The following FMOD variants were observed in gnomAD, a reference collection of about 807,000 sequenced individuals.
FMOD encodes KSPG fibromodulin.
FMOD carries 15 observed loss-of-function variants against 27.0 expected under a neutral mutation model. That is an observed-to-expected ratio of 0.55 (90% confidence interval 0.37 to 0.85). The LOEUF (loss-of-function observed/expected upper bound fraction) is 0.85. Among genes scored for constraint, FMOD ranks in the 40% least tolerant of loss-of-function variants. The pLI is 0.00. For synonymous variants in FMOD, 210 were observed against 214.0 expected (o/e 0.98, Z 0.16); for missense variants, 460 against 483.2 (o/e 0.95, Z 0.45).
chr1:203,347,717 T>C lies in FMOD; in HGVS notation c.554A>G (p.His185Arg). Residue 185 changes from histidine to arginine, a missense_variant, in exon 2 of 3, where the codon CAC becomes CGC. His to Arg is a conservative substitution (Grantham distance 29). Coordinates refer to ENST00000354955, the MANE Select transcript of FMOD (RefSeq NM_002023.5). Reference protein sequence around the residue: ...PRSLRELHLDHNQISRVPNNA... With the variant: ...PRSLRELHLDRNQISRVPNNA... ...GTTGGGGACCCGTGAGATCTGGTTGTGGTCGAGATGGAGCTCTCTCAGGGA... is the reference window on the plus strand; with the variant it reads ...GTTGGGGACCCGTGAGATCTGGTTGCGGTCGAGATGGAGCTCTCTCAGGGA... 2.5e-6 allele frequency: 4 copies of C among 1,613,978 alleles called. No homozygotes were observed. The highest frequency in any genetic ancestry group is 3.4e-6 in the Non-Finnish European group (4 of 1,180,026).
chr1:203,349,156 T>C (rs1658948711), intron 1 of FMOD, among the ~76,000 whole-genome samples: 2 of 152,216 alleles, frequency 1.3e-5, no homozygotes, highest in Admixed American at 6.5e-5. Context: ...TTAGCACTCC[T>C]CATGCTCCAC....
rs981590752 is a variant in FMOD at position 203,341,301 on chromosome 1, C to T, written c.*1042G>A. On this transcript the variant is annotated 3_prime_UTR_variant, in exon 3 of 3. Coordinates refer to ENST00000354955, the MANE Select transcript of FMOD (RefSeq NM_002023.5). ...AGGGCTGCCTGGAGTCTGTCTCTACCATCAGGATATAGAATCTTCCTGCTT... is the reference window on the plus strand; with the variant it reads ...AGGGCTGCCTGGAGTCTGTCTCTACTATCAGGATATAGAATCTTCCTGCTT... 8 of 152,178 alleles carry T rather than the reference C, an allele frequency of 5.3e-5. No homozygotes were observed. In the East Asian group the frequency reaches 1.5e-3, roughly 29 times the overall value. 9.4% of individuals were successfully genotyped at this position (152,178 alleles called of 1,614,324 possible).
intron 1 of FMOD, among the ~76,000 whole-genome samples, chr1:203,349,967 G>C (rs1017343741): frequency 6.6e-6 from 1 of 152,232 alleles, no homozygotes; most frequent in Non-Finnish European, 1.5e-5. Flanking sequence ...GCTGGTTCCT[G>C]GCTCTGGCCA....
chr1:203,342,778 AT>A (rs36084653), intron 2 of FMOD, among the ~76,000 whole-genome samples: 562 of 146,126 alleles, frequency 3.8e-3, no homozygotes, highest in African/African-American at 0.01. Context: ...CCTCTGGGAC[AT>A]TTTTTTTTTT....
At chr1:203,349,749 C>T (rs1407969112) in intron 1 of FMOD, among the ~76,000 whole-genome samples, 1 of 152,224 alleles carries the variant, frequency 6.6e-6, no homozygotes, top group East Asian at 1.9e-4. Flanking sequence ...CCAACTATGA[C>T]ACTCAACAGA....
Position 203,347,843 on chromosome 1 carries a change from C to G in FMOD, c.428G>C (p.Ser143Thr). The change falls in exon 2 of 3, where the codon AGT (serine) becomes ACT (threonine). Residue 143 changes from serine (S) to threonine (T), a missense_variant. Transcript: ENST00000354955. ...GAAGACCTTCCTGCCCACCTTATCA[C>G]TGGTGATCTGGTTGCCGTGGAGAGC... Reference protein sequence around the residue: ...WIALHGNQITSDKVGRKVFSK... With the variant: ...WIALHGNQITTDKVGRKVFSK... The G allele has an allele frequency of 6.2e-7, 1 of 1,614,160 alleles. No individual in the cohort carries two copies.
chr1:203,347,539 T>A lies in FMOD; in HGVS notation c.732A>T (p.Ser244=), dbSNP rs138489292. Residue 244 remains serine (S), a synonymous_variant, in exon 2 of 3, where the codon TCA becomes TCT. Transcript: ENST00000354955. The stretch of plus-strand genomic sequence containing the variant: ...GCTCCATGTACAGCTGCTCAAGAGC[T>A]GAGGGCAGCCCATCAGGCACCTTCC... ...HLRKVPDGLP[S]ALEQLYMEHN... The A allele has an allele frequency of 1.9e-6, 3 of 1,614,070 alleles. No homozygotes were observed. Among genetic ancestry groups the A allele is most frequent in the Non-Finnish European group, 2.5e-6 (3 of 1,180,042 alleles).
intron 2 of FMOD, among the ~76,000 whole-genome samples, chr1:203,346,875 T>TC (rs1256409387): frequency 1.3e-5 from 2 of 152,164 alleles, no homozygotes; most frequent in South Asian, 4.1e-4. Context: ...CTCTTACTGC[T>TC]CCCTGACACA....
chr1:203,344,527 A>C (rs1180990782), intron 2 of FMOD, among the ~76,000 whole-genome samples: 1 of 152,190 alleles, frequency 6.6e-6, no homozygotes, highest in Non-Finnish European at 1.5e-5. Flanking sequence ...GCCCTGCTCC[A>C]CTGAATCCCA....
chr1:203,349,373 T>C (rs189501779), intron 1 of FMOD, among the ~76,000 whole-genome samples: 2 of 152,334 alleles, frequency 1.3e-5, no homozygotes, highest in African/African-American at 4.8e-5. Flanking sequence ...CCCACATTGC[T>C]GGAAACCTGT....
chr1:203,348,365 G>A, intron 1 of FMOD, 88 bp from the exon 2 acceptor site: 1 of 1,316,330 alleles, frequency 7.6e-7, no homozygotes, highest in Non-Finnish European at 1.0e-6. Context: ...CTTAGGCTTT[G>A]AGCTATGCAG....
chr1:203,344,735 T>G (rs182719469), intron 2 of FMOD, among the ~76,000 whole-genome samples: 1 of 152,280 alleles, frequency 6.6e-6, no homozygotes, highest in Non-Finnish European at 1.5e-5. Context: ...CCCAAGTCCC[T>G]GACTGGTTTG....
At chr1:203,346,411 T>C (rs1369349654) in intron 2 of FMOD, among the ~76,000 whole-genome samples, 1 of 151,674 alleles carries the variant, frequency 6.6e-6, no homozygotes, top group Non-Finnish European at 1.5e-5. Flanking sequence ...ATGTTCTGAA[T>C]ACTAGATCCT....
intron 1 of FMOD, among the ~76,000 whole-genome samples, chr1:203,349,692 G>A (rs1448081722): frequency 6.6e-6 from 1 of 152,194 alleles, no homozygotes; most frequent in African/African-American, 2.4e-5. Flanking sequence ...AAAGAAAGGA[G>A]TATAAAAGCC....
At position 203,347,971 on chromosome 1, in the gene FMOD, C is replaced by A. The variant is rs138277496; in HGVS notation, c.300G>T (p.Leu100=). ...MYCDNRNLKY[L]PFVPSRMKYV... is the part of the protein sequence containing the mutation. ...ACTTCATGCGGGAGGGAACGAAGGG[C>A]AGGTACTTGAGGTTGCGATTGTCAC... Residue 100 remains leucine, a synonymous_variant, in exon 2 of 3, where the codon CTG becomes CTT. Coordinates refer to ENST00000354955, the MANE Select transcript of FMOD (RefSeq NM_002023.5). 325 of 1,604,404 alleles carry A rather than the reference C, an allele frequency of 2.0e-4. 3 individuals are homozygous for A. The East Asian group carries it at 7.1e-3, about 35-fold the overall frequency.
At chr1:203,344,516 C>T (rs966171624) in intron 2 of FMOD, among the ~76,000 whole-genome samples, 1 of 152,174 alleles carries the variant, frequency 6.6e-6, no homozygotes, top group Admixed American at 6.5e-5. Flanking sequence ...CTGGTGTACC[C>T]GCCCTGCTCC....
chr1:203,344,348 G>A (rs1658849868), intron 2 of FMOD, among the ~76,000 whole-genome samples: 1 of 152,292 alleles, frequency 6.6e-6, no homozygotes, highest in East Asian at 1.9e-4. Context: ...TGGGGAGCTA[G>A]ACACACAGTG....
chr1:203,343,462 C>T (rs1050100203), intron 2 of FMOD, among the ~76,000 whole-genome samples: 1 of 152,210 alleles, frequency 6.6e-6, no homozygotes, highest in African/African-American at 2.4e-5. Context: ...GAGGAAGCCT[C>T]GTAGGGCTGT....
At chr1:203,347,187 T>C in intron 2 of FMOD, 105 bp downstream of exon 2, 1 of 1,386,122 alleles carries the variant, frequency 7.2e-7, no homozygotes. Flanking sequence ...TTGTGCTGTC[T>C]GGTTCCCCTA....
Sources: gnomAD v4.1 joint callset for allele counts (sites outside exome capture counted in the v4.1 genomes callset) on GRCh38, gnomAD v4.1.1 for gene constraint, MANE v1.5 for transcripts, NCBI Gene and HGNC (gene_info 2026-07-23, HGNC 2026-07-21) for gene names.